RNF19A: variants seen among roughly 807,000 people sequenced by gnomAD.
RNF19A encodes the protein ring finger protein 19A, RBR E3 ubiquitin protein ligase.
A neutral mutation model predicts 75.7 loss-of-function variants in RNF19A; 32 were observed. The ratio of observed to expected loss-of-function variants is 0.42; its 90% CI spans 0.32 to 0.57. RNF19A has a LOEUF of 0.57. Ranked by LOEUF, RNF19A falls within the 20% of genes least tolerant of loss-of-function variation. The pLI is 0.10. For synonymous variants in RNF19A, 335 were observed against 345.2 expected, an observed-to-expected ratio of 0.97 and a Z score of 0.33; for missense variants, 782 against 1,036.3, an observed-to-expected ratio of 0.75 and a Z score of 3.37.
In RNF19A at chr8:100,260,292, G is replaced by A. The variant is rs1401203953; in HGVS notation, c.1683-295C>T. Among the ~76,000 whole-genome samples the A allele has an allele frequency of 6.6e-6, 1 of 152,020 alleles. No individual in the cohort carries two copies. Among genetic ancestry groups the A allele is most frequent in the Non-Finnish European group, 1.5e-5 (1 of 68,012 alleles). On this transcript the variant is annotated intron_variant, in intron 8 of 9. Coordinates refer to ENST00000341084, the MANE Select transcript of RNF19A (RefSeq NM_183419.4). This position sits in a 1 kb window ranked among gnomAD's most constrained non-coding sequence, Gnocchi z 4.1. ...CTCCATTATTCTCACTCAGCATATG[G>A]CACTTTGTAATGTTTCAATGCAAAA... is the stretch of plus-strand genomic sequence containing the variant.
Position 100,330,537 on chromosome 8 carries a change from C to A in RNF19A, c.-243+5571G>T, listed in dbSNP as rs1288671250. Among the ~76,000 whole-genome samples the A allele has an allele frequency of 6.6e-6, 1 of 152,162 alleles. No individual in the cohort carries two copies. Among genetic ancestry groups the A allele is most frequent in the African/African-American group, 2.4e-5 (1 of 41,420 alleles). Reference sequence around the variant, plus strand: ...GTTGGGGACACTTATGTGTTAATTGCAAAGCTGGAGTTGCCAGAAGCCAAC... The same window carrying A: ...GTTGGGGACACTTATGTGTTAATTGAAAAGCTGGAGTTGCCAGAAGCCAAC... On this transcript the variant is annotated intron_variant, in intron 1 of 3. Coordinates refer to the RNF19A transcript ENST00000519527. This position sits in a 1 kb window ranked among gnomAD's most constrained non-coding sequence, Gnocchi z 4.1.
At chr8:100,299,405 C>CA (rs1429645442) in intron 1 of RNF19A, among the ~76,000 whole-genome samples, 2 of 152,198 alleles carry the variant, frequency 1.3e-5, no homozygotes, top group East Asian at 3.9e-4. Context: ...AATTCAGTGT[C>CA]AAAGTGAATT....
At chr8:100,265,195 T>C (rs1373714635) in intron 5 of RNF19A, among the ~76,000 whole-genome samples, 1 of 152,184 alleles carries the variant, frequency 6.6e-6, no homozygotes, top group African/African-American at 2.4e-5. Flanking sequence ...CTCTAAATGG[T>C]AAAAATTGGC....
At position 100,332,419 on chromosome 8, in the gene RNF19A, G is replaced by A. The variant is rs1050911563; in HGVS notation, c.-243+3689C>T. 3.9e-5 allele frequency among the ~76,000 whole-genome samples: 6 copies of A among 152,112 alleles called. No individual in the cohort carries two copies. The highest frequency in any genetic ancestry group is 1.2e-4 in the African/African-American group (5 of 41,424). On this transcript the variant is annotated intron_variant, in intron 1 of 3. Transcript: ENST00000519527. The surrounding 1 kb of genome is among the most constrained non-coding windows in gnomAD (Gnocchi z 4.8). ...CTTGTGAAGAAGGTGCCTGCTTCTC[G>A]TTCCACCATGATTGTAAGTTTTCTG... is the stretch of plus-strand genomic sequence containing the variant.
chr8:100,304,466 C>T (rs80062360), intron 1 of RNF19A, among the ~76,000 whole-genome samples: 11 of 152,212 alleles, frequency 7.2e-5, no homozygotes, highest in East Asian at 1.9e-4. Context: ...TCCCCACTTA[C>T]GCACTCACAC....
intron 2 of RNF19A, among the ~76,000 whole-genome samples, chr8:100,277,872 G>A (rs889086372): frequency 6.6e-6 from 1 of 152,088 alleles, no homozygotes; most frequent in African/African-American, 2.4e-5. Context: ...TCAGTGAAAA[G>A]GATTCTCTTC....
At chr8:100,319,094 A>G (rs969095930) in intron 1 of RNF19A, among the ~76,000 whole-genome samples, 3 of 152,244 alleles carry the variant, frequency 2.0e-5, no homozygotes, top group Non-Finnish European at 4.4e-5. Context: ...TATATTTTAC[A>G]ACTAGTTCAT....
At chr8:100,280,798 A>G (rs1820748233) in intron 2 of RNF19A, among the ~76,000 whole-genome samples, 1 of 152,206 alleles carries the variant, frequency 6.6e-6, no homozygotes, top group Non-Finnish European at 1.5e-5. Context: ...TGGCATTCAC[A>G]CATTTTGAAA....
chr8:100,268,683 T>TAA (rs34297750), intron 5 of RNF19A, 102 bp downstream of exon 5: 1,102 of 354,380 alleles, frequency 3.1e-3, no homozygotes, highest in Non-Finnish European at 3.9e-3. Context: ...ACCCTTTGTC[T>TAA]AAAAAAAAAA....
Position 100,287,611 on chromosome 8 carries a change from AATATC to A in RNF19A, c.559_563del (p.Asp187SerfsTer6). 1 of 1,614,138 alleles carries A rather than the reference AATATC, an allele frequency of 6.2e-7. No homozygotes were observed. The highest frequency in any genetic ancestry group is 8.5e-7 in the Non-Finnish European group (1 of 1,179,984). ...AGACATCATCACTTAATATCAAGCG[AATATC>A]ATGGGGATTAAACCGTTCAGTACAT... On this transcript the variant is annotated frameshift_variant, in exon 2 of 10. Transcript: ENST00000341084. LOFTEE classifies it high-confidence loss of function. The surrounding 1 kb of genome is among the most constrained non-coding windows in gnomAD (Gnocchi z 4.1).
rs1821096683 is a variant in RNF19A, at chr8:100,287,837, G to T, written c.338C>A (p.Thr113Asn). The T allele has an allele frequency of 6.2e-7, 1 of 1,614,090 alleles. No individual in the cohort carries two copies. Among genetic ancestry groups the T allele is most frequent in the Non-Finnish European group, 8.5e-7 (1 of 1,179,960 alleles). ...GGAAGTTAATCCATTGTCAGAAGAG[G>T]TATTTGTAGAGAAAATGGAGTTCTT... ...TDKNSIFSTN[T>N]SSDNGLTSIS... Residue 113 changes from threonine (T) to asparagine (N), a missense_variant, in exon 2 of 10, where the codon ACC becomes AAC. Physicochemically the swap from Thr to Asn is moderately conservative, Grantham distance 65. Coordinates refer to ENST00000341084, the MANE Select transcript of RNF19A (RefSeq NM_183419.4). This position sits in a 1 kb window ranked among gnomAD's most constrained non-coding sequence, Gnocchi z 4.1.
intron 1 of RNF19A, among the ~76,000 whole-genome samples, chr8:100,307,865 T>A (rs1228378478): frequency 6.6e-6 from 1 of 152,132 alleles, no homozygotes; most frequent in Non-Finnish European, 1.5e-5. Context: ...AAAATAGGAA[T>A]CTTAGCACCT....
intron 1 of RNF19A, chr8:100,309,574 G>T (rs770259411): frequency 1.0e-6 from 1 of 976,272 alleles, no homozygotes; most frequent in African/African-American, 1.7e-5. Context: ...GGAGGACAGG[G>T]CTTGGGGCGG....
chr8:100,309,492 G>A (rs1001170997), intron 1 of RNF19A: 2 of 985,434 alleles, frequency 2.0e-6, no homozygotes, highest in Non-Finnish European at 2.4e-6. Context: ...AGGGGCAGGA[G>A]ACAGCTCGAG....
intron 1 of RNF19A, among the ~76,000 whole-genome samples, chr8:100,320,933 G>A (rs938124919): frequency 6.6e-6 from 1 of 152,172 alleles, no homozygotes; most frequent in African/African-American, 2.4e-5. Flanking sequence ...GTGTAAAAAT[G>A]TATATACCTT....
intron 1 of RNF19A, among the ~76,000 whole-genome samples, chr8:100,290,699 A>G (rs963818361): frequency 2.0e-5 from 3 of 152,216 alleles, no homozygotes; most frequent in African/African-American, 7.2e-5. Flanking sequence ...ATACATTCTG[A>G]GAAATGTGTC....
At chr8:100,286,472 C>T (rs2129915451) in intron 2 of RNF19A, among the ~76,000 whole-genome samples, 1 of 152,028 alleles carries the variant, frequency 6.6e-6, no homozygotes, top group East Asian at 1.9e-4. Context: ...ACATAGAAAT[C>T]CTTGGTGGAT....
rs1819720589 is a variant in RNF19A, at chr8:100,261,647, C to A, written c.1577G>T (p.Gly526Val). ...TTCACTCAGGTTGTCTCGGATGGCT[C>A]CTATTCGATCCATGTGGCTTCCACT... The part of the protein sequence containing the change: ...SASGSHMDRI[G>V]AIRDNLSETA... Residue 526 changes from glycine (G) to valine (V), a missense_variant, in exon 8 of 10, where the codon GGA becomes GTA. By Grantham distance (109) the Gly-to-Val change is moderately radical (BLOSUM62 -3). Transcript: ENST00000341084. This position sits in a 1 kb window ranked among gnomAD's most constrained non-coding sequence, Gnocchi z 4.4. 1 of 1,613,968 alleles carries A rather than the reference C, an allele frequency of 6.2e-7. No homozygotes were observed. The highest frequency in any genetic ancestry group is 1.7e-5 in the Admixed American group (1 of 59,990).
intron 1 of RNF19A, among the ~76,000 whole-genome samples, chr8:100,319,003 G>T (rs188877371): frequency 3.6e-4 from 55 of 152,326 alleles, no homozygotes; most frequent in Admixed American, 2.7e-3. Context: ...GCTGTGAGAG[G>T]TTGTAGGGAC....
Sources: gnomAD v4.1 joint callset for allele counts (sites outside exome capture counted in the v4.1 genomes callset) on GRCh38, gnomAD v4.1.1 for gene constraint, Gnocchi (gnomAD v3.1) non-coding constraint, MANE v1.5 for transcripts, NCBI Gene and HGNC (gene_info 2026-07-23, HGNC 2026-07-21) for gene names.